The following HNRNPH3 variants were observed in gnomAD, a reference collection of about 807,000 sequenced individuals.
The protein encoded by HNRNPH3 is heterogeneous nuclear ribonucleoprotein 2H9.
A neutral mutation model predicts 47.0 loss-of-function variants in HNRNPH3; 7 were observed. That is an observed-to-expected ratio of 0.15 (90% CI 0.08 to 0.28). The LOEUF is 0.28. Among genes scored for constraint, HNRNPH3 ranks in the 10% least tolerant of loss-of-function variants. The probability of loss-of-function intolerance (pLI) is 1.00; values close to 1 mark genes in which losing one functional copy is unlikely to be tolerated. For missense variants in HNRNPH3, 279 were observed against 449.6 expected (o/e 0.62, Z 3.43); for synonymous variants, 120 against 143.2 (o/e 0.84, Z 1.16).
In HNRNPH3 at chr10:68,342,955, A is replaced by ATAAAACATAAAAC. The variant is rs1342375043; in HGVS notation, c.*901_*902insTAAAACATAAAAC. ...TAAGCAACAAGTCCATGTCATAGTC[A>ATAAAACATAAAAC]ATAAAAACAATCCTGCAGTTGGGTT... On this transcript the variant is annotated 3_prime_UTR_variant, in exon 10 of 10. Transcript: ENST00000265866. The ATAAAACATAAAAC allele has an allele frequency of 1.3e-5, 2 of 152,234 alleles. No individual in the cohort carries two copies. The highest frequency in any genetic ancestry group is 1.5e-5 in the Non-Finnish European group (1 of 68,044). 9.4% of individuals were successfully genotyped at this position (152,234 alleles called of 1,614,324 possible). A position where few individuals can be genotyped will look rare whatever the true frequency, so the allele number is the denominator to read the frequency against.
Position 68,339,240 on chromosome 10 carries a change from TAAAGA to T in HNRNPH3, c.523+15_523+19del, listed in dbSNP as rs2045698399. ...GAGATGGAAGAGGTAAAATAAATAT[TAAAGA>T]CATTTTTATTCATAGGTAAATTTTA... On this transcript the variant is annotated intron_variant, in intron 5 of 9. Transcript: ENST00000265866. 6.4e-7 allele frequency: 1 copy of T among 1,574,024 alleles called. No homozygotes were observed. The highest frequency in any genetic ancestry group is 1.1e-5 in the South Asian group (1 of 89,116).
rs1306374651 is a variant in HNRNPH3, at chr10:68,341,857, T to C, written c.964+6T>C. On this transcript the variant is annotated splice_donor_region_variant and intron_variant, in intron 9 of 9. Coordinates refer to ENST00000265866, the MANE Select transcript of HNRNPH3 (RefSeq NM_012207.3). ...TGATGGTTTGGGTGGTTATGGTAAG[T>C]ATCTCTAGTTCAGTTTGTGTTAGTC... The C allele has an allele frequency of 4.4e-6, 7 of 1,605,806 alleles. No homozygotes were observed. Among genetic ancestry groups the C allele is most frequent in the Non-Finnish European group, 6.0e-6 (7 of 1,173,302 alleles).
chr10:68,337,440 A>G lies in HNRNPH3; in HGVS notation c.112+107A>G, dbSNP rs2045599512. The G allele has an allele frequency of 5.8e-6, 4 of 694,786 alleles. No individual in the cohort carries two copies. The highest frequency in any genetic ancestry group is 1.0e-5 in the Non-Finnish European group (4 of 397,772). The allele number at this position is 694,786 out of a possible 1,614,324, so 43.0% of individuals were successfully genotyped here. ...ATTTGATTTTGGAACTTTTAAGTTT[A>G]ACTATGATAGTCTTGGTTAATGTAT... On this transcript the variant is annotated intron_variant, in intron 2 of 9. Coordinates refer to ENST00000265866, the MANE Select transcript of HNRNPH3 (RefSeq NM_012207.3). This position sits in a 1 kb window ranked among gnomAD's most constrained non-coding sequence, Gnocchi z 4.5.
At position 68,337,213 on chromosome 10, in the gene HNRNPH3, G is replaced by A. The variant is rs775216576; in HGVS notation, c.-9G>A. 14 of 1,508,436 alleles carry A rather than the reference G, an allele frequency of 9.3e-6. No homozygotes were observed. The highest frequency in any genetic ancestry group is 1.2e-5 in the Non-Finnish European group (13 of 1,085,986). The allele number at this position is 1,508,436 out of a possible 1,614,324, so 93.4% of individuals were successfully genotyped here. A position where few individuals can be genotyped will look rare whatever the true frequency, so the allele number is the denominator to read the frequency against. On this transcript the variant is annotated 5_prime_UTR_variant, in exon 2 of 10. Coordinates refer to ENST00000265866, the MANE Select transcript of HNRNPH3 (RefSeq NM_012207.3). This position sits in a 1 kb window ranked among gnomAD's most constrained non-coding sequence, Gnocchi z 4.5. ...ATTTTTTATAGCATTTAAATCAAAC[G>A]GTATTGAGATGGATTGGGTTATGAA...
In HNRNPH3 at chr10:68,337,501, A is replaced by T. The variant is rs1360456564; in HGVS notation, c.112+168A>T. On this transcript the variant is annotated intron_variant, in intron 2 of 9. Transcript: ENST00000265866. The surrounding 1 kb of genome is among the most constrained non-coding windows in gnomAD (Gnocchi z 4.5). ...TGCTCCAGTTAATATTCAATACAGA[A>T]TGTGTAGAATATGTAAAACCTAGTT... is the stretch of plus-strand genomic sequence containing the variant. 2 of 581,580 alleles carry T rather than the reference A, an allele frequency of 3.4e-6. No homozygotes were observed. Among genetic ancestry groups the T allele is most frequent in the Non-Finnish European group, 6.1e-6 (2 of 328,606 alleles). 36.0% of individuals were successfully genotyped at this position (581,580 alleles called of 1,614,324 possible).
chr10:68,340,479 TAGG>T (rs1219289536), intron 6 of HNRNPH3, among the ~76,000 whole-genome samples: 2 of 152,218 alleles, frequency 1.3e-5, no homozygotes, highest in Non-Finnish European at 1.5e-5. Flanking sequence ...TCAGATTTGT[TAGG>T]AGGTCAGCAA....
chr10:68,334,889 G>C (rs2045458969), intron 1 of HNRNPH3, among the ~76,000 whole-genome samples: 1 of 152,166 alleles, frequency 6.6e-6, no homozygotes, highest in Admixed American at 6.5e-5. Context: ...TATTAGAGCA[G>C]ATTGCTTCTT....
chr10:68,337,199 C>A lies in HNRNPH3; in HGVS notation c.-23C>A. 1.5e-6 allele frequency: 2 copies of A among 1,368,640 alleles called. No individual in the cohort carries two copies. The highest frequency in any genetic ancestry group is 1.0e-6 in the Non-Finnish European group (1 of 959,696). 84.8% of individuals were successfully genotyped at this position (1,368,640 alleles called of 1,614,324 possible). ...CTATGTGCTTGTTTATTTTTTATAG[C>A]ATTTAAATCAAACGGTATTGAGATG... On this transcript the variant is annotated splice_region_variant and 5_prime_UTR_variant, in exon 2 of 10. Coordinates refer to ENST00000265866, the MANE Select transcript of HNRNPH3 (RefSeq NM_012207.3). This position sits in a 1 kb window ranked among gnomAD's most constrained non-coding sequence, Gnocchi z 4.5.
chr10:68,338,268 TAAA>T (rs1421765289), intron 3 of HNRNPH3: 1 of 461,582 alleles, frequency 2.2e-6, no homozygotes, highest in African/African-American at 2.0e-5. Flanking sequence ...TATTATGTAC[TAAA>T]AGAGACAAAG....
At position 68,338,275 on chromosome 10, in the gene HNRNPH3, GAC is replaced by G. The variant is rs2045639919; in HGVS notation, c.252-226_252-225del. 7 of 456,760 alleles carry G rather than the reference GAC, an allele frequency of 1.5e-5. No homozygotes were observed. The South Asian group carries it at 1.7e-4, about 11-fold the overall frequency. 28.3% of individuals were successfully genotyped at this position (456,760 alleles called of 1,614,324 possible). ...AAAACACCTATTATGTACTAAAAGAGACAAAGTAAAAATATACTTTATGAATT... is the reference window on the plus strand; with the variant it reads ...AAAACACCTATTATGTACTAAAAGAGAAAGTAAAAATATACTTTATGAATT... On this transcript the variant is annotated intron_variant, in intron 3 of 9. Coordinates refer to ENST00000265866, the MANE Select transcript of HNRNPH3 (RefSeq NM_012207.3).
At position 68,341,645 on chromosome 10, in the gene HNRNPH3, G is replaced by T. The variant is rs145425294; in HGVS notation, c.836G>T (p.Gly279Val). 191 of 1,613,692 alleles carry T rather than the reference G, an allele frequency of 1.2e-4. 1 individual carries two copies. In the African/African-American group the frequency reaches 2.3e-3, roughly 20 times the overall value. Residue 279 changes from glycine (G) to valine (V), a missense_variant, in exon 8 of 10, where the codon GGT becomes GTT. By Grantham distance (109) the Gly-to-Val change is moderately radical. This residue lies in a region of HNRNPH3 where 239 missense variants were observed against 335.8 expected (regional missense o/e 0.71). Transcript: ENST00000265866. ...CCTGGAGGCGGCTCTGGCATGGGAG[G>T]TTCTGGAATGGGAGGCTACGGAAGA... Reference protein sequence around the residue: ...STPGGGSGMGGSGMGGYGRDG... With the variant: ...STPGGGSGMGVSGMGGYGRDG...
In HNRNPH3 at chr10:68,338,065, A is replaced by AT. The variant is rs1231950481; in HGVS notation, c.251+70dup. Reference sequence around the variant, plus strand: ...GGGGTTGTGGGTCACTATTGCTTAAATGGGGGGGTAGCCATAACATTTTTC... The same window carrying AT: ...GGGGTTGTGGGTCACTATTGCTTAAATTGGGGGGGTAGCCATAACATTTTTC... On this transcript the variant is annotated intron_variant, in intron 3 of 9. Coordinates refer to ENST00000265866, the MANE Select transcript of HNRNPH3 (RefSeq NM_012207.3). The AT allele has an allele frequency of 2.6e-6, 3 of 1,166,282 alleles. No homozygotes were observed. The African/African-American group carries it at 4.6e-5, about 18-fold the overall frequency. The allele number at this position is 1,166,282 out of a possible 1,614,324, so 72.2% of individuals were successfully genotyped here.
At chr10:68,333,102 A>C (rs1259887029) in intron 1 of HNRNPH3, 1 of 151,108 alleles carries the variant, frequency 6.6e-6, no homozygotes, top group Non-Finnish European at 1.5e-5. Context: ...CTTCGAAAAG[A>C]GTACGTACTG....
At chr10:68,338,458 AATAC>A (rs2045650763) in intron 3 of HNRNPH3, 41 bp from the exon 4 acceptor site, 5 of 1,289,816 alleles carry the variant, frequency 3.9e-6, no homozygotes, top group Admixed American at 2.0e-5. Flanking sequence ...AATTTACACT[AATAC>A]ATTTATGCTG....
rs1323175526 is a variant in HNRNPH3, at chr10:68,337,712, C to G, written c.113-146C>G. 5 of 703,558 alleles carry G rather than the reference C, an allele frequency of 7.1e-6. No individual in the cohort carries two copies. Among genetic ancestry groups the G allele is most frequent in the Non-Finnish European group, 1.1e-5 (5 of 435,618 alleles). 43.6% of individuals were successfully genotyped at this position (703,558 alleles called of 1,614,324 possible). A position where few individuals can be genotyped will look rare whatever the true frequency, so the allele number is the denominator to read the frequency against. ...TCCAGTAATATTTGAAAAAATCTTT[C>G]ATTTGTATTATGGGGTGATGGGAAA... On this transcript the variant is annotated intron_variant, in intron 2 of 9. Coordinates refer to ENST00000265866, the MANE Select transcript of HNRNPH3 (RefSeq NM_012207.3). The surrounding 1 kb of genome is among the most constrained non-coding windows in gnomAD (Gnocchi z 4.5).
rs1038143756 is a variant in HNRNPH3 at position 68,342,772 on chromosome 10, C to T, written c.*718C>T. The T allele has an allele frequency of 6.6e-6, 1 of 152,524 alleles. No individual in the cohort carries two copies. The highest frequency in any genetic ancestry group is 2.4e-5 in the African/African-American group (1 of 41,420). 9.4% of individuals were successfully genotyped at this position (152,524 alleles called of 1,614,324 possible). ...AAAAATTGATAGTTGCAGGTTATCG[C>T]AAGATGTCTTAGAGTAGGGTTAAGG... On this transcript the variant is annotated 3_prime_UTR_variant, in exon 10 of 10. Coordinates refer to ENST00000265866, the MANE Select transcript of HNRNPH3 (RefSeq NM_012207.3).
chr10:68,341,316 G>C lies in HNRNPH3; in HGVS notation c.775+7G>C. The C allele has an allele frequency of 6.3e-7, 1 of 1,597,440 alleles. No individual in the cohort carries two copies. The highest frequency in any genetic ancestry group is 8.5e-7 in the Non-Finnish European group (1 of 1,176,022). On this transcript the variant is annotated splice_region_variant and intron_variant, in intron 7 of 9. Transcript: ENST00000265866. Reference sequence around the variant, plus strand: ...AAAGATAAAAATAACATGCGTAAGTGGTGTCTTTGGCACACAATCTTATTT... The same window carrying C: ...AAAGATAAAAATAACATGCGTAAGTCGTGTCTTTGGCACACAATCTTATTT...
At chr10:68,333,101 G>C (rs892260466) in intron 1 of HNRNPH3, 2 of 151,520 alleles carry the variant, frequency 1.3e-5, no homozygotes, top group South Asian at 2.1e-4. Flanking sequence ...ACTTCGAAAA[G>C]AGTACGTACT....
At chr10:68,334,823 T>A (rs1409005994) in intron 1 of HNRNPH3, among the ~76,000 whole-genome samples, 1 of 152,212 alleles carries the variant, frequency 6.6e-6, no homozygotes, top group African/African-American at 2.4e-5. Context: ...AAAGAAAGGT[T>A]GAGGTGGATT....
Sources: allele counts gnomAD v4.1 joint callset (sites outside exome capture counted in the v4.1 genomes callset), GRCh38; gene constraint gnomAD v4.1.1; regional missense constraint gnomAD v4.1.1; non-coding constraint Gnocchi (gnomAD v3.1); transcripts MANE v1.5; gene names NCBI Gene and HGNC (gene_info 2026-07-23, HGNC 2026-07-21).